KCNMA1: variants seen among roughly 807,000 people sequenced by gnomAD.
KCNMA1 encodes the protein Calcium-activated potassium channel subunit alpha-1.
KCNMA1 carries 29 observed loss-of-function variants against 140.0 expected under a neutral mutation model. That is an observed-to-expected ratio of 0.21 (90% confidence interval 0.15 to 0.28). KCNMA1 has a LOEUF of 0.28. KCNMA1 is among the 10% of genes least tolerant of loss of function. KCNMA1 has a pLI of 1.00. For missense variants in KCNMA1, 880 were observed against 1,602.2 expected (o/e 0.55, Z 7.70); for synonymous variants, 612 against 611.9 (o/e 1.00, Z 0.00).
intron 9 of KCNMA1, among the ~76,000 whole-genome samples, chr10:77,104,524 G>A (rs926594804): frequency 3.3e-5 from 5 of 152,120 alleles, no homozygotes; most frequent in African/African-American, 4.8e-5. Flanking sequence ...TGGCTACCAG[G>A]AATCAGTAGA....
intron 2 of KCNMA1, among the ~76,000 whole-genome samples, chr10:77,394,271 T>G (rs1171555264): frequency 6.6e-6 from 1 of 150,976 alleles, no homozygotes; most frequent in Admixed American, 6.6e-5. Flanking sequence ...GAAACTCTCC[T>G]TCATTTTCAC....
At chr10:77,157,939 C>G (rs1490888366) in intron 5 of KCNMA1, among the ~76,000 whole-genome samples, 1 of 152,214 alleles carries the variant, frequency 6.6e-6, no homozygotes, top group Non-Finnish European at 1.5e-5. Flanking sequence ...TCCTTTCCCA[C>G]AGCTTCTGGT....
At chr10:77,525,990 G>T (rs910585227) in intron 1 of KCNMA1, among the ~76,000 whole-genome samples, 2 of 152,168 alleles carry the variant, frequency 1.3e-5, no homozygotes, top group African/African-American at 4.8e-5. Flanking sequence ...GAGAAGTATC[G>T]GGGGCTTTGG....
chr10:76,886,658 G>A lies in KCNMA1; in HGVS notation c.*608C>T. ...GTGAGTAACTAAAAAAATCACTGAT[G>A]TTCTCTTGCAACAAGCAGGTCCTTC... On this transcript the variant is annotated 3_prime_UTR_variant, in exon 28 of 28. Coordinates refer to ENST00000286628, the MANE Select transcript of KCNMA1 (RefSeq NM_001161352.2). 2 of 992,222 alleles carry A rather than the reference G, an allele frequency of 2.0e-6. No individual in the cohort carries two copies. Among genetic ancestry groups the A allele is most frequent in the Non-Finnish European group, 2.4e-6 (2 of 833,936 alleles). 61.5% of individuals were successfully genotyped at this position (992,222 alleles called of 1,614,324 possible). A position where few individuals can be genotyped will look rare whatever the true frequency, so the allele number is the denominator to read the frequency against.
At chr10:77,296,887 T>C (rs1051296135) in intron 2 of KCNMA1, among the ~76,000 whole-genome samples, 1 of 130,396 alleles carries the variant, frequency 7.7e-6, no homozygotes, top group Non-Finnish European at 1.6e-5. Context: ...TTATAAAATC[T>C]AAGAGGAATG....
At chr10:77,622,308 C>T (rs559200348) in intron 1 of KCNMA1, among the ~76,000 whole-genome samples, 10 of 152,326 alleles carry the variant, frequency 6.6e-5, no homozygotes, top group African/African-American at 2.4e-4. Flanking sequence ...CTTTTCAGTC[C>T]TGTCTATGTC....
intron 16 of KCNMA1, chr10:77,019,528 T>G: frequency 4.4e-6 from 1 of 228,080 alleles, no homozygotes; most frequent in Non-Finnish European, 8.7e-6. Context: ...AGAGCATTAA[T>G]GGGACCCCTA....
chr10:76,986,463 T>C (rs12243157), intron 19 of KCNMA1, among the ~76,000 whole-genome samples: 10,603 of 152,302 alleles, frequency 0.07, 422 homozygotes, highest in Middle Eastern at 0.11. Context: ...GCATAGGCCA[T>C]GGGCATCCCA....
At chr10:77,067,216 C>T (rs1420510768) in intron 14 of KCNMA1, among the ~76,000 whole-genome samples, 1 of 152,174 alleles carries the variant, frequency 6.6e-6, no homozygotes, top group Non-Finnish European at 1.5e-5. Flanking sequence ...TGGGCTTCAT[C>T]TAACCCACTG....
chr10:77,136,592 G>GA (rs57606631), intron 5 of KCNMA1, among the ~76,000 whole-genome samples: 184 of 145,132 alleles, frequency 1.3e-3, no homozygotes, highest in Middle Eastern at 3.5e-3. Context: ...TGGAAATGCT[G>GA]AAAAAAAAAA....
At chr10:76,934,803 A>T (rs75602328) in intron 23 of KCNMA1, among the ~76,000 whole-genome samples, 1 of 152,118 alleles carries the variant, frequency 6.6e-6, no homozygotes, top group Non-Finnish European at 1.5e-5. Flanking sequence ...ACTATAAGAC[A>T]ATTTCTCTGG....
chr10:77,072,354 T>G (rs560205953), intron 14 of KCNMA1, among the ~76,000 whole-genome samples: 80 of 152,298 alleles, frequency 5.3e-4, no homozygotes, highest in African/African-American at 1.9e-3. Flanking sequence ...CCCTTGCTAG[T>G]GGCTGGGCGA....
intron 1 of KCNMA1, among the ~76,000 whole-genome samples, chr10:77,619,238 G>A (rs921531826): frequency 3.3e-5 from 5 of 152,200 alleles, no homozygotes; most frequent in South Asian, 4.1e-4. Context: ...ATGTCAACTG[G>A]GGTTGGAGGA....
At chr10:77,121,409 A>G (rs1353955582) in intron 5 of KCNMA1, among the ~76,000 whole-genome samples, 1 of 152,232 alleles carries the variant, frequency 6.6e-6, no homozygotes, top group Non-Finnish European at 1.5e-5. Flanking sequence ...AGGAATTGTG[A>G]TAGCTCAGGG....
At chr10:77,452,377 T>C (rs1441372107) in intron 1 of KCNMA1, among the ~76,000 whole-genome samples, 1 of 152,128 alleles carries the variant, frequency 6.6e-6, no homozygotes, top group Non-Finnish European at 1.5e-5. Flanking sequence ...GAGCTGGGAA[T>C]GGGGGGTTAA....
At chr10:77,232,398 T>C (rs1323870253) in intron 3 of KCNMA1, among the ~76,000 whole-genome samples, 1 of 152,214 alleles carries the variant, frequency 6.6e-6, no homozygotes, top group Non-Finnish European at 1.5e-5. Flanking sequence ...GGGTTGCAAT[T>C]TATCCATATC....
intron 2 of KCNMA1, among the ~76,000 whole-genome samples, chr10:77,277,148 G>A (rs2066907099): frequency 6.6e-6 from 1 of 152,118 alleles, no homozygotes. Flanking sequence ...CAGCATGGTT[G>A]GGGGAAGCTC....
At chr10:77,561,297 C>A (rs2066314697) in intron 1 of KCNMA1, among the ~76,000 whole-genome samples, 1 of 152,174 alleles carries the variant, frequency 6.6e-6, no homozygotes, top group Non-Finnish European at 1.5e-5. Flanking sequence ...GTATTAATGA[C>A]ATACACAGAG....
At chr10:77,167,046 A>G (rs2098650371) in intron 5 of KCNMA1, among the ~76,000 whole-genome samples, 1 of 152,096 alleles carries the variant, frequency 6.6e-6, no homozygotes. Flanking sequence ...CACCCTACTG[A>G]TCTATCAAAC....
Sources: gnomAD v4.1 joint callset for allele counts (sites outside exome capture counted in the v4.1 genomes callset) on GRCh38, gnomAD v4.1.1 for gene constraint, MANE v1.5 for transcripts, NCBI Gene and HGNC (gene_info 2026-07-23, HGNC 2026-07-21) for gene names.